BDH1: variants seen among roughly 807,000 people sequenced by gnomAD.
BDH1 encodes 3-hydroxybutyrate dehydrogenase 1.
In BDH1, 30 loss-of-function variants were observed where a neutral mutation model predicts 33.1. That is an observed-to-expected ratio of 0.91 (90% confidence interval 0.68 to 1.23). BDH1 has a LOEUF of 1.23. BDH1 is among the 50% of genes most tolerant of loss of function. The pLI is 0.00. For synonymous variants in BDH1, 190 were observed against 183.6 expected (o/e 1.03, Z -0.28); for missense variants, 443 against 464.4 (o/e 0.95, Z 0.42).
At chr3:197,543,546 C>T (rs1474742547) in intron 3 of BDH1, among the ~76,000 whole-genome samples, 1 of 152,198 alleles carries the variant, frequency 6.6e-6, no homozygotes, top group Non-Finnish European at 1.5e-5. Flanking sequence ...ATCGGAGGGC[C>T]ATGGGGAGCC....
At chr3:197,571,318 A>G (rs1717599054) in intron 1 of BDH1, among the ~76,000 whole-genome samples, 1 of 152,176 alleles carries the variant, frequency 6.6e-6, no homozygotes, top group Non-Finnish European at 1.5e-5. Context: ...AAATGAGTGA[A>G]GACTTTGGGA....
rs916136655 is a variant in BDH1 at position 197,516,298 on chromosome 3, A to T, written c.410-1882T>A. Among the ~76,000 whole-genome samples, 8 of 152,182 alleles carry T rather than the reference A, an allele frequency of 5.3e-5. No homozygotes were observed. The highest frequency in any genetic ancestry group is 5.2e-4 in the Admixed American group (8 of 15,270). On this transcript the variant is annotated intron_variant, in intron 6 of 7. Transcript: ENST00000392379. This position sits in a 1 kb window ranked among gnomAD's most constrained non-coding sequence, Gnocchi z 4.2. ...GTTTTGTGTTTGATTCATAACGGAC[A>T]ATATCCCATGACTTAAAATGCATAC...
rs1056076466 is a variant in BDH1 at position 197,525,570 on chromosome 3, C to T, written c.268-2789G>A. Reference sequence around the variant, plus strand: ...TAATCTCACTGCCCACGGCTTCAGGCTCCCGAGGAGAGCAACGCTACCCTC... The same window carrying T: ...TAATCTCACTGCCCACGGCTTCAGGTTCCCGAGGAGAGCAACGCTACCCTC... On this transcript the variant is annotated intron_variant, in intron 5 of 7. Coordinates refer to ENST00000392379, the MANE Select transcript of BDH1 (RefSeq NM_203314.3). This position sits in a 1 kb window ranked among gnomAD's most constrained non-coding sequence, Gnocchi z 4.9. 3.9e-5 allele frequency among the ~76,000 whole-genome samples: 6 copies of T among 152,212 alleles called. No individual in the cohort carries two copies. Among genetic ancestry groups the T allele is most frequent in the African/African-American group, 1.4e-4 (6 of 41,450 alleles).
chr3:197,565,106 TAC>T (rs1717392929), intron 1 of BDH1, among the ~76,000 whole-genome samples: 1 of 152,058 alleles, frequency 6.6e-6, no homozygotes, highest in Non-Finnish European at 1.5e-5. Context: ...ATTTTTAGTA[TAC>T]ACAGGGTTTC....
chr3:197,543,248 GA>G, intron 3 of BDH1: 2 of 928,584 alleles, frequency 2.2e-6, no homozygotes, highest in Non-Finnish European at 2.6e-6. Context: ...CAGCATCTGT[GA>G]AAAAAATTTA....
chr3:197,561,108 T>C (rs1017647152), intron 1 of BDH1, among the ~76,000 whole-genome samples: 1 of 152,214 alleles, frequency 6.6e-6, no homozygotes, highest in Non-Finnish European at 1.5e-5. Context: ...CTAAATTAAC[T>C]GAGACTTGTC....
intron 3 of BDH1, chr3:197,546,139 G>GAA (rs60963210): frequency 9.5e-5 from 44 of 461,560 alleles, no homozygotes; most frequent in Middle Eastern, 6.0e-4. Context: ...CCATCAAAAA[G>GAA]AAAAAAAAAT....
chr3:197,519,957 C>G (rs559585124), intron 6 of BDH1, among the ~76,000 whole-genome samples: 3 of 152,116 alleles, frequency 2.0e-5, no homozygotes, highest in Middle Eastern at 3.2e-3. Context: ...GGCTGCAGGG[C>G]GTCAAACTCG....
chr3:197,562,442 G>A (rs745843303), intron 1 of BDH1, among the ~76,000 whole-genome samples: 36 of 152,220 alleles, frequency 2.4e-4, no homozygotes, highest in African/African-American at 6.5e-4. Context: ...TCTTTCCAGC[G>A]AAAGGCGTCC....
chr3:197,534,172 A>G (rs187607136), intron 3 of BDH1: 6 of 152,318 alleles, frequency 3.9e-5, no homozygotes, highest in Admixed American at 3.3e-4. Flanking sequence ...GATACAATAA[A>G]AATACAGAAA....
At chr3:197,512,744 G>T (rs950489275) in intron 7 of BDH1, among the ~76,000 whole-genome samples, 4 of 151,784 alleles carry the variant, frequency 2.6e-5, no homozygotes, top group African/African-American at 4.8e-5. Context: ...TATAGGCAAG[G>T]TCTGGTGCTG....
chr3:197,546,525 T>TTCCG, intron 2 of BDH1, 39 bp from the exon 3 acceptor site: 1 of 1,403,930 alleles, frequency 7.1e-7, no homozygotes, highest in Non-Finnish European at 1.0e-6. Flanking sequence ...CTTTGTTGCC[T>TTCCG]TCCGGGCTTT....
chr3:197,559,386 C>G (rs145749842), upstream of BDH1, among the ~76,000 whole-genome samples: 1 of 152,250 alleles, frequency 6.6e-6, no homozygotes, highest in South Asian at 2.1e-4. Context: ...GAGTGTATCC[C>G]CTGTGAGATT....
intron 1 of BDH1, among the ~76,000 whole-genome samples, chr3:197,562,710 C>T (rs981453963): frequency 6.6e-6 from 1 of 151,662 alleles, no homozygotes; most frequent in African/African-American, 2.4e-5. Context: ...CAGCTCACAT[C>T]GATCCATGCA....
intron 7 of BDH1, among the ~76,000 whole-genome samples, chr3:197,512,568 G>GGACA (rs1339679445): frequency 6.6e-6 from 1 of 152,234 alleles, no homozygotes; most frequent in African/African-American, 2.4e-5. Context: ...GTGCCAGGCA[G>GGACA]GACAGGGGAG....
intron 2 of BDH1, among the ~76,000 whole-genome samples, chr3:197,552,939 A>G (rs1716688105): frequency 6.6e-6 from 1 of 152,138 alleles, no homozygotes; most frequent in Non-Finnish European, 1.5e-5. Context: ...ATTCATTGAG[A>G]TGGAATCTCG....
chr3:197,519,386 C>G (rs1445255401), intron 6 of BDH1, among the ~76,000 whole-genome samples: 1 of 151,932 alleles, frequency 6.6e-6, no homozygotes, highest in Non-Finnish European at 1.5e-5. Flanking sequence ...CCAGGTCAGG[C>G]GTGGTGGCTC....
intron 1 of BDH1, among the ~76,000 whole-genome samples, chr3:197,567,988 T>G (rs1021290805): frequency 6.6e-6 from 1 of 152,070 alleles, no homozygotes; most frequent in Non-Finnish European, 1.5e-5. Context: ...TAGCTCACAC[T>G]CTCCTCCAAT....
chr3:197,543,599 A>T (rs532548819), intron 3 of BDH1, among the ~76,000 whole-genome samples: 2 of 152,310 alleles, frequency 1.3e-5, no homozygotes, highest in African/African-American at 4.8e-5. Flanking sequence ...TGGGGGCCTT[A>T]TCCAGCCACT....
Sources: allele counts gnomAD v4.1 joint callset (sites outside exome capture counted in the v4.1 genomes callset), GRCh38; gene constraint gnomAD v4.1.1; non-coding constraint Gnocchi (gnomAD v3.1); transcripts MANE v1.5; gene names NCBI Gene and HGNC (gene_info 2026-07-23, HGNC 2026-07-21).